RSRC1: variants seen among roughly 807,000 people sequenced by gnomAD.
RSRC1 encodes arginine and serine rich coiled-coil 1.
A neutral mutation model predicts 49.1 loss-of-function variants in RSRC1; 39 were observed. That is an observed-to-expected ratio of 0.79 (90% confidence interval 0.61 to 1.04). The LOEUF (loss-of-function observed/expected upper bound fraction) is 1.04. Among genes scored for constraint, RSRC1 ranks in the 50% least tolerant of loss-of-function variants. The pLI is 0.00. For synonymous variants in RSRC1, 143 were observed against 130.8 expected, an observed-to-expected ratio of 1.09 and a Z score of -0.63; for missense variants, 388 against 402.4, an observed-to-expected ratio of 0.96 and a Z score of 0.31.
Position 158,328,639 on chromosome 3 carries a change from A to G in RSRC1, c.532-26218A>G, listed in dbSNP as rs554841969. ...ATGGGCTTCCCTTTGTGGGTAACCC[A>G]ACCTTTCTCTCTGGCTGCCCTTAAC... On this transcript the variant is annotated intron_variant, in intron 5 of 9. Coordinates refer to ENST00000611884, the MANE Select transcript of RSRC1 (RefSeq NM_001271838.2). Among the ~76,000 whole-genome samples the G allele has an allele frequency of 1.7e-3, 265 of 152,260 alleles. 1 individual carries two copies. The highest frequency in any genetic ancestry group is 3.5e-3 in the Admixed American group (54 of 15,296).
intron 7 of RSRC1, among the ~76,000 whole-genome samples, chr3:158,492,989 G>T (rs1322711761): frequency 6.6e-6 from 1 of 152,088 alleles, no homozygotes. Flanking sequence ...CATCTTGCTT[G>T]GGAAAGTGGC....
intron 7 of RSRC1, among the ~76,000 whole-genome samples, chr3:158,514,173 T>C (rs922309878): frequency 2.6e-5 from 4 of 152,200 alleles, no homozygotes; most frequent in Non-Finnish European, 4.4e-5. Context: ...TGAATGTGTT[T>C]CCTCTTGCTT....
intron 5 of RSRC1, among the ~76,000 whole-genome samples, chr3:158,329,213 G>A (rs959475670): frequency 5.3e-5 from 8 of 152,136 alleles, no homozygotes; most frequent in South Asian, 4.1e-4. Flanking sequence ...AAGTTTGATC[G>A]TCTGAAACTT....
At chr3:158,180,583 C>A (rs896696874) in intron 3 of RSRC1, among the ~76,000 whole-genome samples, 1 of 151,092 alleles carries the variant, frequency 6.6e-6, no homozygotes, top group Non-Finnish European at 1.5e-5. Flanking sequence ...CAGCCTCACT[C>A]TCCCGAGTAG....
chr3:158,311,203 A>G (rs932966537), intron 5 of RSRC1, among the ~76,000 whole-genome samples: 1 of 151,920 alleles, frequency 6.6e-6, no homozygotes, highest in African/African-American at 2.4e-5. Flanking sequence ...GCTCATTATT[A>G]TATCTATATC....
Position 158,544,384 on chromosome 3 carries a change from A to G in RSRC1, c.*109A>G, listed in dbSNP as rs552498631. ...TTAAAAAGAATTTTGCTGATTATAT[A>G]TAAAGGTAGTCTCATTTCATTTGTC... On this transcript the variant is annotated 3_prime_UTR_variant, in exon 10 of 10. Transcript: ENST00000611884. 3 of 599,664 alleles carry G rather than the reference A, an allele frequency of 5.0e-6. No homozygotes were observed. The highest frequency in any genetic ancestry group is 3.0e-5 in the Admixed American group (1 of 33,010). The allele number at this position is 599,664 out of a possible 1,614,324, so 37.1% of individuals were successfully genotyped here. A position where few individuals can be genotyped will look rare whatever the true frequency, so the allele number is the denominator to read the frequency against.
chr3:158,297,504 A>T (rs1727298363), intron 4 of RSRC1, among the ~76,000 whole-genome samples: 1 of 152,006 alleles, frequency 6.6e-6, no homozygotes, highest in African/African-American at 2.4e-5. Context: ...AAAATTAATG[A>T]CAGGAGAAAA....
At chr3:158,440,185 G>A (rs1321481843) in intron 6 of RSRC1, among the ~76,000 whole-genome samples, 1 of 121,168 alleles carries the variant, frequency 8.3e-6, no homozygotes, top group Non-Finnish European at 2.0e-5. Context: ...TAGCAAGTTG[G>A]AAAAAGTTCT....
intron 5 of RSRC1, among the ~76,000 whole-genome samples, chr3:158,326,002 C>G: frequency 6.6e-6 from 1 of 152,104 alleles, no homozygotes; most frequent in Non-Finnish European, 1.5e-5. Context: ...TAGTGAATAG[C>G]AGTTCACTCA....
At chr3:158,170,051 G>A (rs1305615661) in intron 3 of RSRC1, among the ~76,000 whole-genome samples, 1 of 152,082 alleles carries the variant, frequency 6.6e-6, no homozygotes, top group Non-Finnish European at 1.5e-5. Context: ...TTATGGAATT[G>A]TCTCTTGGCA....
intron 4 of RSRC1, among the ~76,000 whole-genome samples, chr3:158,224,073 C>T (rs1722378704): frequency 6.6e-6 from 1 of 151,688 alleles, no homozygotes; most frequent in African/African-American, 2.4e-5. Context: ...AGGGAAGGGT[C>T]CTTGTTCACT....
chr3:158,213,140 A>G (rs936449520), intron 4 of RSRC1, among the ~76,000 whole-genome samples: 8 of 151,954 alleles, frequency 5.3e-5, no homozygotes, highest in South Asian at 2.1e-4. Flanking sequence ...GTTTATTTTT[A>G]TATCCTAATG....
chr3:158,486,287 G>A (rs1165334417), intron 7 of RSRC1, among the ~76,000 whole-genome samples: 6 of 152,128 alleles, frequency 3.9e-5, no homozygotes, highest in Non-Finnish European at 8.8e-5. Flanking sequence ...GTTAATGGTT[G>A]TTCAAAGGGA....
intron 3 of RSRC1, among the ~76,000 whole-genome samples, chr3:158,170,529 A>G (rs898934142): frequency 2.0e-5 from 3 of 152,176 alleles, no homozygotes; most frequent in African/African-American, 7.2e-5. Context: ...AGCAGCAACT[A>G]CTTTACAGTT....
intron 7 of RSRC1, among the ~76,000 whole-genome samples, chr3:158,492,502 G>T (rs1392993363): frequency 6.6e-6 from 1 of 152,142 alleles, no homozygotes; most frequent in Non-Finnish European, 1.5e-5. Context: ...AGATGATATA[G>T]GAAATTGTTC....
intron 7 of RSRC1, among the ~76,000 whole-genome samples, chr3:158,477,619 A>G (rs1159077608): frequency 6.6e-6 from 1 of 151,848 alleles, no homozygotes; most frequent in Non-Finnish European, 1.5e-5. Context: ...GTGTAAACAT[A>G]ACTTTTATAT....
chr3:158,272,542 G>A (rs1559970959), intron 4 of RSRC1, among the ~76,000 whole-genome samples: 1 of 151,850 alleles, frequency 6.6e-6, no homozygotes, highest in Non-Finnish European at 1.5e-5. Context: ...TCTTTGTGTA[G>A]AAGTTTTTAA....
At chr3:158,477,097 T>C (rs1578525336) in intron 7 of RSRC1, among the ~76,000 whole-genome samples, 1 of 152,088 alleles carries the variant, frequency 6.6e-6, no homozygotes, top group Non-Finnish European at 1.5e-5. Flanking sequence ...AGTTTCATGA[T>C]TAAACATGAA....
At chr3:158,384,414 G>A (rs966159139) in intron 6 of RSRC1, among the ~76,000 whole-genome samples, 1 of 152,132 alleles carries the variant, frequency 6.6e-6, no homozygotes, top group Non-Finnish European at 1.5e-5. Flanking sequence ...GAACTTGGGA[G>A]GCTAGGGAGG....
Sources: gnomAD v4.1 joint callset for allele counts (sites outside exome capture counted in the v4.1 genomes callset) on GRCh38, gnomAD v4.1.1 for gene constraint, MANE v1.5 for transcripts, NCBI Gene and HGNC (gene_info 2026-07-23, HGNC 2026-07-21) for gene names.